GABRR2: variants seen among roughly 807,000 people sequenced by gnomAD.
GABRR2 encodes gamma-aminobutyric acid receptor subunit rho-2.
A neutral mutation model predicts 47.0 loss-of-function variants in GABRR2; 36 were observed. The observed-to-expected ratio is 0.77, with a 90% CI of 0.59 to 1.01. GABRR2 has a LOEUF of 1.01. GABRR2 is among the 50% of genes least tolerant of loss of function. GABRR2 has a pLI of 0.00. For missense variants in GABRR2, 587 were observed against 594.6 expected (o/e 0.99, Z 0.13); for synonymous variants, 204 against 227.5 (o/e 0.90, Z 0.93).
chr6:89,257,973 G>A lies in GABRR2; in HGVS notation c.1095C>T (p.Cys365=). Residue 365 remains cysteine, a synonymous_variant, in exon 9 of 9, where the codon TGC becomes TGT. Transcript: ENST00000402938. ...TTTTTGAATGAAGCATTCCACACATGCACGGGAACTATGGGCAGCAAGCAC... is the reference window on the plus strand; with the variant it reads ...TTTTTGAATGAAGCATTCCACACATACACGGGAACTATGGGCAGCAAGCAC... ...KERKLREKFP[C]MCGMLHSKTM... The A allele has an allele frequency of 6.2e-7, 1 of 1,612,850 alleles. No homozygotes were observed. Among genetic ancestry groups the A allele is most frequent in the Non-Finnish European group, 8.5e-7 (1 of 1,179,332 alleles).
At chr6:89,304,165 C>T (rs1487031559) in intron 1 of GABRR2, among the ~76,000 whole-genome samples, 2 of 152,116 alleles carry the variant, frequency 1.3e-5, no homozygotes, top group Non-Finnish European at 2.9e-5. Context: ...TAAATAGACA[C>T]CCTACAGAAT....
In GABRR2 at chr6:89,256,595, C is replaced by A. The variant is rs992916319; in HGVS notation, c.*1075G>T. On this transcript the variant is annotated 3_prime_UTR_variant, in exon 9 of 9. Coordinates refer to ENST00000402938, the MANE Select transcript of GABRR2 (RefSeq NM_002043.5). Reference sequence around the variant, plus strand: ...GGTCTTTGTCTACTGGGGCCTTGGGCCACACCAGATAGTCTATGCCAACAA... The same window carrying A: ...GGTCTTTGTCTACTGGGGCCTTGGGACACACCAGATAGTCTATGCCAACAA... 6.6e-6 allele frequency among the ~76,000 whole-genome samples: 1 copy of A among 152,138 alleles called. No homozygotes were observed. Among genetic ancestry groups the A allele is most frequent in the African/African-American group, 2.4e-5 (1 of 41,420 alleles).
intron 6 of GABRR2, among the ~76,000 whole-genome samples, chr6:89,267,224 T>C (rs1773918967): frequency 6.6e-6 from 1 of 152,144 alleles, no homozygotes; most frequent in African/African-American, 2.4e-5. Flanking sequence ...GGTCTCGAAC[T>C]CCTGGTAGGT....
Position 89,293,866 on chromosome 6 carries a change from A to G in GABRR2, c.220+5893T>C, listed in dbSNP as rs1169794559. Among the ~76,000 whole-genome samples, 10 of 152,314 alleles carry G rather than the reference A, an allele frequency of 6.6e-5. No individual in the cohort carries two copies. In the South Asian group the frequency reaches 1.5e-3, roughly 22 times the overall value. Reference sequence around the variant, plus strand: ...AGGAGGAGAAACCCTGTGCCCCTGGAGGTTCTAACCAGGGCATACTACCTA... The same window carrying G: ...AGGAGGAGAAACCCTGTGCCCCTGGGGGTTCTAACCAGGGCATACTACCTA... On this transcript the variant is annotated intron_variant, in intron 2 of 8. Coordinates refer to ENST00000402938, the MANE Select transcript of GABRR2 (RefSeq NM_002043.5).
chr6:89,274,671 A>T (rs1229452049), intron 2 of GABRR2, among the ~76,000 whole-genome samples: 2 of 152,138 alleles, frequency 1.3e-5, no homozygotes, highest in African/African-American at 2.4e-5. Context: ...GTTCAAGACC[A>T]GCCTCAATAA....
chr6:89,271,496 C>T (rs879527508), intron 3 of GABRR2, among the ~76,000 whole-genome samples, 159 bp downstream of exon 3: 1 of 152,210 alleles, frequency 6.6e-6, no homozygotes, highest in Non-Finnish European at 1.5e-5. Context: ...ACCCACGCAG[C>T]GAGAATGCCC....
At chr6:89,301,388 G>C (rs1381155782) in intron 1 of GABRR2, among the ~76,000 whole-genome samples, 1 of 152,078 alleles carries the variant, frequency 6.6e-6, no homozygotes, top group African/African-American at 2.4e-5. Flanking sequence ...AATCAAGAAA[G>C]AACAAAATGA....
At position 89,254,525 on chromosome 6, in the gene GABRR2, G is replaced by A. The variant is rs1773563343; in HGVS notation, c.*3145C>T. Among the ~76,000 whole-genome samples the A allele has an allele frequency of 6.6e-6, 1 of 152,058 alleles. No homozygotes were observed. Among genetic ancestry groups the A allele is most frequent in the Admixed American group, 6.5e-5 (1 of 15,272 alleles). ...AACATTTTTTCACAGTTTCATATTGGTGAAATCAGGATTCATATTATAATC... is the reference window on the plus strand; with the variant it reads ...AACATTTTTTCACAGTTTCATATTGATGAAATCAGGATTCATATTATAATC... On this transcript the variant is annotated 3_prime_UTR_variant, in exon 9 of 9. Coordinates refer to ENST00000402938, the MANE Select transcript of GABRR2 (RefSeq NM_002043.5).
At chr6:89,305,385 A>G (rs1454179399) in intron 1 of GABRR2, among the ~76,000 whole-genome samples, 1 of 151,952 alleles carries the variant, frequency 6.6e-6, no homozygotes, top group African/African-American at 2.4e-5. Flanking sequence ...CAGCCATAAA[A>G]AAGAATTTGA....
In GABRR2 at chr6:89,299,827, C is replaced by T. The variant is rs148225612; in HGVS notation, c.152G>A (p.Arg51Gln). The change falls in exon 2 of 9, where the codon CGG (arginine) becomes CAG (glutamine). Residue 51 changes from arginine to glutamine, a missense_variant. By Grantham distance (43) the Arg-to-Gln change is conservative. Transcript: ENST00000402938. ...GAGAAGCTGCTGAGGCTTTCCCTTC[C>T]GGATCTTGGTCACATCAAGGTTCTT... ...YKKNLDVTKI[R>Q]KGKPQQLLRV... is the part of the protein sequence containing the mutation. The T allele has an allele frequency of 1.5e-4, 240 of 1,613,880 alleles. No homozygotes were observed. Among genetic ancestry groups the T allele is most frequent in the East Asian group, 3.1e-4 (14 of 44,880 alleles).
At chr6:89,296,160 A>T (rs980826861) in intron 2 of GABRR2, among the ~76,000 whole-genome samples, 1 of 152,222 alleles carries the variant, frequency 6.6e-6, no homozygotes, top group East Asian at 1.9e-4. Flanking sequence ...CCTGCCCATG[A>T]GGTGCTGAGT....
chr6:89,268,255 A>G (rs1431357662), intron 4 of GABRR2, among the ~76,000 whole-genome samples, 159 bp from the exon 5 acceptor site: 1 of 152,268 alleles, frequency 6.6e-6, no homozygotes, highest in Non-Finnish European at 1.5e-5. Flanking sequence ...CTTAACTTCT[A>G]GAGTTTTGTC....
chr6:89,309,780 A>C (rs118165287), intron 1 of GABRR2, among the ~76,000 whole-genome samples: 2,773 of 151,362 alleles, frequency 0.018, 31 homozygotes, highest in Non-Finnish European at 0.025. Flanking sequence ...TCTTCTTCTT[A>C]TTATTATTAT....
Position 89,269,117 on chromosome 6 carries a change from G to C in GABRR2, c.406C>G (p.Pro136Ala), listed in dbSNP as rs372516073. 3.0e-5 allele frequency: 48 copies of C among 1,614,018 alleles called. No homozygotes were observed. The African/African-American group carries it at 5.5e-4, about 18-fold the overall frequency. ...DGRLVKKIWVPDVFFVHSKRS... is the reference protein window; with the variant it reads ...DGRLVKKIWVADVFFVHSKRS... ...TTGGAGTGAACAAAGAAGACATCAGGGACCCAGATCTTCTTCACCAGCCGG... is the reference window on the plus strand; with the variant it reads ...TTGGAGTGAACAAAGAAGACATCAGCGACCCAGATCTTCTTCACCAGCCGG... Residue 136 changes from proline (P) to alanine (A), a missense_variant, in exon 4 of 9, where the codon CCT becomes GCT. Transcript: ENST00000402938.
intron 2 of GABRR2, among the ~76,000 whole-genome samples, chr6:89,274,393 C>G (rs934403549): frequency 2.0e-4 from 30 of 152,194 alleles, no homozygotes; most frequent in Non-Finnish European, 3.8e-4. Context: ...CACTTTGTGG[C>G]CCTTCCCAAC....
chr6:89,308,413 C>T lies in GABRR2; in HGVS notation c.113+6640G>A, dbSNP rs537081355. Reference sequence around the variant, plus strand: ...ATGTGTTCGATAGCCCCATGCAGCTCGTTGCTACTGTACTGAACAGTGCAG... The same window carrying T: ...ATGTGTTCGATAGCCCCATGCAGCTTGTTGCTACTGTACTGAACAGTGCAG... On this transcript the variant is annotated intron_variant, in intron 1 of 8. Transcript: ENST00000402938. Among the ~76,000 whole-genome samples, 32 of 152,266 alleles carry T rather than the reference C, an allele frequency of 2.1e-4. 1 individual carries two copies. The South Asian group carries it at 5.8e-3, about 28-fold the overall frequency.
chr6:89,275,165 G>C (rs1046892454), intron 2 of GABRR2, among the ~76,000 whole-genome samples: 1 of 151,992 alleles, frequency 6.6e-6, no homozygotes, highest in Non-Finnish European at 1.5e-5. Flanking sequence ...ATGCAAAACT[G>C]GTTTTAACAC....
chr6:89,262,138 G>A (rs1582432898), intron 8 of GABRR2, among the ~76,000 whole-genome samples: 1 of 152,122 alleles, frequency 6.6e-6, no homozygotes, highest in South Asian at 2.1e-4. Context: ...TTGGACAAGA[G>A]AGTGATTTTA....
intron 1 of GABRR2, chr6:89,302,795 G>T (rs1251895895): frequency 6.9e-6 from 10 of 1,441,284 alleles, no homozygotes; most frequent in Middle Eastern, 1.9e-4. Context: ...TCGTGGAGTG[G>T]ATCCCCAACA....
Sources: gnomAD v4.1 joint callset for allele counts (sites outside exome capture counted in the v4.1 genomes callset) on GRCh38, gnomAD v4.1.1 for gene constraint, MANE v1.5 for transcripts, NCBI Gene and HGNC (gene_info 2026-07-23, HGNC 2026-07-21) for gene names.